The following POLE2 variants were observed in gnomAD, a reference collection of about 807,000 sequenced individuals.
The protein encoded by POLE2 is DNA polymerase epsilon 2, accessory subunit, also known as DNA polymerase epsilon subunit 2.
Under a neutral mutation model 79.4 loss-of-function variants are expected in POLE2, and 56 were observed. The observed-to-expected ratio is 0.71, with a 90% CI of 0.57 to 0.88. The LOEUF is 0.88. Among genes scored for constraint, POLE2 ranks in the 40% least tolerant of loss-of-function variants. The pLI, the probability that POLE2 is intolerant of heterozygous loss-of-function variation, is 0.00. For synonymous variants in POLE2, 212 were observed against 214.0 expected (o/e 0.99, Z 0.08); for missense variants, 598 against 638.9 (o/e 0.94, Z 0.69).
At chr14:49,649,163 TTGA>T (rs1348266831) in intron 17 of POLE2, among the ~76,000 whole-genome samples, 1 of 123,574 alleles carries the variant, frequency 8.1e-6, no homozygotes, top group East Asian at 2.0e-4. Flanking sequence ...TTTTTTTTTT[TTGA>T]GACGCAGTCT....
At chr14:49,653,068 G>T (rs569838770) in intron 15 of POLE2, among the ~76,000 whole-genome samples, 1 of 152,198 alleles carries the variant, frequency 6.6e-6, no homozygotes, top group East Asian at 1.9e-4. Flanking sequence ...GACCATGAAG[G>T]TGTCATGAAC....
Position 49,655,844 on chromosome 14 carries a change from CTAGA to C in POLE2, c.756-5_756-2del, listed in dbSNP as rs1192772490. Reference sequence around the variant, plus strand: ...AAAATTAATATTTCCATAGTATGCCCTAGATAATTATAACATAATTATCTTCTAT... The same window carrying C: ...AAAATTAATATTTCCATAGTATGCCCTAATTATAACATAATTATCTTCTAT... On this transcript the variant is annotated splice_acceptor_variant and splice_polypyrimidine_tract_variant and intron_variant, in intron 10 of 18. Coordinates refer to ENST00000216367, the MANE Select transcript of POLE2 (RefSeq NM_002692.4). LOFTEE classifies it high-confidence loss of function. 1.4e-6 allele frequency: 2 copies of C among 1,420,226 alleles called. No homozygotes were observed. The highest frequency in any genetic ancestry group is 2.0e-6 in the Non-Finnish European group (2 of 1,021,298). The allele number at this position is 1,420,226 out of a possible 1,614,324, so 88.0% of individuals were successfully genotyped here.
chr14:49,664,953 G>A (rs2139650012), intron 8 of POLE2, 154 bp downstream of exon 8: 2 of 630,768 alleles, frequency 3.2e-6, no homozygotes, highest in Middle Eastern at 4.0e-4. Flanking sequence ...AAGTTGTTCT[G>A]TCCCTGTTTA....
rs777958209 is a variant in POLE2 at position 49,647,287 on chromosome 14, A to C, written c.1565+6T>G. 7.0e-7 allele frequency: 1 copy of C among 1,434,354 alleles called. No homozygotes were observed. 88.9% of individuals were successfully genotyped at this position (1,434,354 alleles called of 1,614,324 possible). ...TCTTTCTTGCTGTGTCTGTGCACAC[A>C]CTTACCTATCTTCTACTGTCTTATT... is the stretch of plus-strand genomic sequence containing the variant. On this transcript the variant is annotated splice_donor_region_variant and intron_variant, in intron 18 of 18. Transcript: ENST00000216367.
At chr14:49,650,543 A>G in intron 16 of POLE2, 102 bp from the exon 17 acceptor site, 1 of 678,630 alleles carries the variant, frequency 1.5e-6, no homozygotes, top group Non-Finnish European at 2.2e-6. Flanking sequence ...AAAAGGAACC[A>G]GAAAATTTGA....
intron 1 of POLE2, among the ~76,000 whole-genome samples, chr14:49,685,633 T>C (rs990831791): frequency 2.0e-5 from 3 of 152,046 alleles, no homozygotes; most frequent in Non-Finnish European, 2.9e-5. Flanking sequence ...TTTCTTTCTT[T>C]TTTGAGATGG....
At chr14:49,663,105 A>C (rs1301254416) in intron 10 of POLE2, among the ~76,000 whole-genome samples, 8 of 152,204 alleles carry the variant, frequency 5.3e-5, no homozygotes, top group Non-Finnish European at 8.8e-5. Context: ...GCCGAAGTAC[A>C]AAGACGGTAT....
chr14:49,676,638 G>C (rs1886296174), intron 3 of POLE2, among the ~76,000 whole-genome samples: 1 of 152,230 alleles, frequency 6.6e-6, no homozygotes, highest in Non-Finnish European at 1.5e-5. Flanking sequence ...GAGGAGTACG[G>C]GCTGGCCGAC....
At chr14:49,685,980 C>T (rs2139702378) in intron 1 of POLE2, among the ~76,000 whole-genome samples, 1 of 152,296 alleles carries the variant, frequency 6.6e-6, no homozygotes, top group South Asian at 2.1e-4. Flanking sequence ...TGAAGTTCTT[C>T]CTTGACTCTA....
At chr14:49,654,575 A>G in intron 13 of POLE2, 1 of 541,732 alleles carries the variant, frequency 1.8e-6, no homozygotes, top group Non-Finnish European at 3.0e-6. Context: ...AATTCCAAGT[A>G]TGGCTGAAAT....
Position 49,677,861 on chromosome 14 carries a change from C to G in POLE2, c.245+1864G>C, listed in dbSNP as rs531065393. ...CAGTCAGCTGGAGGTACTGCAGCCC[C>G]CAGCTCCTGGCCAGCACACTGCCCA... is the stretch of plus-strand genomic sequence containing the variant. On this transcript the variant is annotated intron_variant, in intron 3 of 18. Coordinates refer to ENST00000216367, the MANE Select transcript of POLE2 (RefSeq NM_002692.4). 2.6e-5 allele frequency: 11 copies of G among 422,660 alleles called. No individual in the cohort carries two copies. In the South Asian group the frequency reaches 6.6e-4, roughly 25 times the overall value. 26.2% of individuals were successfully genotyped at this position (422,660 alleles called of 1,614,324 possible). A position where few individuals can be genotyped will look rare whatever the true frequency, so the allele number is the denominator to read the frequency against.
intron 5 of POLE2, 22 bp downstream of exon 5, chr14:49,674,101 C>T (rs1467869139): frequency 2.2e-6 from 3 of 1,361,184 alleles, no homozygotes; most frequent in Admixed American, 1.7e-5. Context: ...GTATCCTCCC[C>T]TCCGCCCCCT....
Position 49,654,776 on chromosome 14 carries a change from A to T in POLE2, c.1073+8T>A, listed in dbSNP as rs1432243199. The T allele has an allele frequency of 1.3e-6, 2 of 1,488,144 alleles. No individual in the cohort carries two copies. The allele number at this position is 1,488,144 out of a possible 1,614,324, so 92.2% of individuals were successfully genotyped here. A position where few individuals can be genotyped will look rare whatever the true frequency, so the allele number is the denominator to read the frequency against. On this transcript the variant is annotated splice_region_variant and intron_variant, in intron 13 of 18. Transcript: ENST00000216367. Reference sequence around the variant, plus strand: ...GGTGAAAAAATATATAGTGCTAGAGATCATTACCTTTGGTGAATATCTGGG... The same window carrying T: ...GGTGAAAAAATATATAGTGCTAGAGTTCATTACCTTTGGTGAATATCTGGG...
In POLE2 at chr14:49,655,605, C is replaced by G. The variant is rs573858981; in HGVS notation, c.928+66G>C. On this transcript the variant is annotated intron_variant, in intron 11 of 18. Transcript: ENST00000216367. ...AATACTCAAAAAGATAAATAGAATA[C>G]TCAAAAAGTTTTAAAACATGAACCC... is the stretch of plus-strand genomic sequence containing the variant. The G allele has an allele frequency of 1.4e-4, 144 of 1,043,844 alleles. No homozygotes were observed. The African/African-American group carries it at 1.9e-3, about 13-fold the overall frequency. The allele number at this position is 1,043,844 out of a possible 1,614,324, so 64.7% of individuals were successfully genotyped here.
intron 10 of POLE2, among the ~76,000 whole-genome samples, chr14:49,662,253 A>ATG (rs1885149745): frequency 6.6e-6 from 1 of 152,226 alleles, no homozygotes; most frequent in African/African-American, 2.4e-5. Context: ...CAGCCAGGAA[A>ATG]TGTTGCCTTT....
At chr14:49,655,582 T>C in intron 11 of POLE2, 89 bp downstream of exon 11, 2 of 853,762 alleles carry the variant, frequency 2.3e-6, no homozygotes, top group Non-Finnish European at 3.7e-6. Flanking sequence ...TTAAATAGAA[T>C]ACTCAAAAAG....
At chr14:49,652,766 A>G (rs1471005942) in intron 15 of POLE2, among the ~76,000 whole-genome samples, 1 of 152,082 alleles carries the variant, frequency 6.6e-6, no homozygotes, top group Non-Finnish European at 1.5e-5. Context: ...AAGTTGTATA[A>G]TTGTTTTATT....
chr14:49,680,140 A>C (rs1886595167), intron 2 of POLE2, among the ~76,000 whole-genome samples: 1 of 152,208 alleles, frequency 6.6e-6, no homozygotes. Flanking sequence ...GCTCGAGCCC[A>C]GGAGTTTGAG....
intron 17 of POLE2, among the ~76,000 whole-genome samples, chr14:49,648,057 C>T (rs181665114): frequency 4.6e-5 from 7 of 152,324 alleles, no homozygotes; most frequent in African/African-American, 1.4e-4. Flanking sequence ...GTCTTTCCTG[C>T]CCCTCTCTCT....
Sources: gnomAD v4.1 joint callset for allele counts (sites outside exome capture counted in the v4.1 genomes callset) on GRCh38, gnomAD v4.1.1 for gene constraint, MANE v1.5 for transcripts, NCBI Gene and HGNC (gene_info 2026-07-23, HGNC 2026-07-21) for gene names.